Variants in PLXDC2 observed in about 807,000 individuals in gnomAD.
The protein encoded by PLXDC2 is plexin domain containing 2, also known as plexin domain-containing protein 2.
PLXDC2 carries 40 observed loss-of-function variants against 68.9 expected under a neutral mutation model. The observed-to-expected ratio is 0.58, with a 90% CI of 0.45 to 0.76. The LOEUF is 0.76. PLXDC2 is among the 30% of genes least tolerant of loss of function. The pLI, the probability that PLXDC2 is intolerant of heterozygous loss-of-function variation, is 0.00. For missense variants in PLXDC2, 644 were observed against 661.9 expected (o/e 0.97, Z 0.30); for synonymous variants, 243 against 234.2 (o/e 1.04, Z -0.34).
chr10:20,097,500 G>A (rs1372919849), intron 4 of PLXDC2, among the ~76,000 whole-genome samples: 6 of 152,146 alleles, frequency 3.9e-5, no homozygotes, highest in African/African-American at 1.4e-4. Flanking sequence ...TTTCCTGAAT[G>A]TAATCCTTAA....
chr10:19,818,239 TG>T (rs1836394367), intron 1 of PLXDC2, among the ~76,000 whole-genome samples: 1 of 145,942 alleles, frequency 6.9e-6, no homozygotes, highest in Admixed American at 7.1e-5. Flanking sequence ...TGTGTGTGTG[TG>T]TGTGTGTGTG....
intron 9 of PLXDC2, among the ~76,000 whole-genome samples, chr10:20,182,293 C>G (rs1332297455): frequency 6.7e-6 from 1 of 149,178 alleles, no homozygotes; most frequent in Admixed American, 6.7e-5. Flanking sequence ...TGATCTTCTT[C>G]CTATCATCAT....
chr10:20,124,536 C>CG (rs1564323875), intron 4 of PLXDC2, among the ~76,000 whole-genome samples: 1 of 152,054 alleles, frequency 6.6e-6, no homozygotes, highest in Non-Finnish European at 1.5e-5. Flanking sequence ...ACCAAATTTC[C>CG]TGCGTGTCTG....
intron 12 of PLXDC2, among the ~76,000 whole-genome samples, chr10:20,240,779 T>C (rs1835504594): frequency 6.6e-6 from 1 of 151,464 alleles, no homozygotes; most frequent in Non-Finnish European, 1.5e-5. Flanking sequence ...AAACTATGTG[T>C]GCAATTTTGG....
intron 1 of PLXDC2, among the ~76,000 whole-genome samples, chr10:19,881,188 CTACT>C (rs1837720958): frequency 6.6e-6 from 1 of 151,982 alleles, no homozygotes; most frequent in African/African-American, 2.4e-5. Context: ...TGATCCCAAC[CTACT>C]GCAACCTCTG....
intron 7 of PLXDC2, among the ~76,000 whole-genome samples, chr10:20,172,124 A>T (rs1236082278): frequency 6.6e-6 from 1 of 150,782 alleles, no homozygotes; most frequent in African/African-American, 2.4e-5. Flanking sequence ...AAGGAAAAAC[A>T]TTTGCTTCAG....
At chr10:19,991,439 C>G (rs1301394737) in intron 1 of PLXDC2, among the ~76,000 whole-genome samples, 3 of 150,142 alleles carry the variant, frequency 2.0e-5, no homozygotes, top group Admixed American at 6.7e-5. Context: ...ATATGTTTAC[C>G]TAGAGAAACA....
chr10:20,006,320 A>T (rs1038829262), intron 2 of PLXDC2, among the ~76,000 whole-genome samples: 1 of 152,242 alleles, frequency 6.6e-6, no homozygotes, highest in African/African-American at 2.4e-5. Context: ...CATTGTTACA[A>T]GGTCTTGCTT....
At chr10:20,145,498 A>G (rs1219485839) in intron 5 of PLXDC2, among the ~76,000 whole-genome samples, 1 of 152,158 alleles carries the variant, frequency 6.6e-6, no homozygotes, top group Non-Finnish European at 1.5e-5. Context: ...ATGTTGAGAG[A>G]GCTATGCTAT....
At chr10:19,995,273 A>G (rs1331057264) in intron 1 of PLXDC2, among the ~76,000 whole-genome samples, 1 of 152,202 alleles carries the variant, frequency 6.6e-6, no homozygotes, top group East Asian at 1.9e-4. Flanking sequence ...AGACAAAGCA[A>G]AATTGGTACA....
chr10:19,925,774 GC>G (rs1328660423), intron 1 of PLXDC2, among the ~76,000 whole-genome samples: 1 of 152,208 alleles, frequency 6.6e-6, no homozygotes, highest in Non-Finnish European at 1.5e-5. Context: ...GCCAAGGCGG[GC>G]TTTTATCAGC....
intron 13 of PLXDC2, among the ~76,000 whole-genome samples, chr10:20,265,186 T>C (rs1835854586): frequency 6.6e-6 from 1 of 152,300 alleles, no homozygotes; most frequent in Middle Eastern, 3.4e-3. Context: ...TAAATTATTA[T>C]CCATGTGGAG....
intron 10 of PLXDC2, 124 bp downstream of exon 10, chr10:20,211,853 A>G (rs1346489235): frequency 1.0e-5 from 9 of 873,832 alleles, no homozygotes; most frequent in African/African-American, 3.4e-5. Context: ...GAATCCTTCT[A>G]TAAGCCCAAT....
intron 6 of PLXDC2, among the ~76,000 whole-genome samples, chr10:20,151,742 A>C (rs1297093208): frequency 6.6e-6 from 1 of 152,128 alleles, no homozygotes; most frequent in Non-Finnish European, 1.5e-5. Context: ...GAACTAACCA[A>C]ATTCTAAGAG....
chr10:20,036,520 G>A (rs987842239), intron 2 of PLXDC2, among the ~76,000 whole-genome samples: 1 of 152,278 alleles, frequency 6.6e-6, no homozygotes, highest in South Asian at 2.1e-4. Flanking sequence ...TATGTAAACA[G>A]TACACAATTT....
intron 1 of PLXDC2, among the ~76,000 whole-genome samples, chr10:19,864,766 G>A (rs1440133478): frequency 6.6e-6 from 1 of 152,172 alleles, no homozygotes; most frequent in South Asian, 2.1e-4. Flanking sequence ...AGTGGACTGG[G>A]CAAACAAGTA....
chr10:20,164,364 C>A, intron 6 of PLXDC2, 104 bp from the exon 7 acceptor site: 1 of 935,318 alleles, frequency 1.1e-6, no homozygotes, highest in Non-Finnish European at 1.7e-6. Context: ...AGTCTTTTAT[C>A]TCCTTCCCAT....
chr10:20,226,319 A>G (rs1464130460), intron 12 of PLXDC2, among the ~76,000 whole-genome samples: 2 of 152,264 alleles, frequency 1.3e-5, no homozygotes, highest in East Asian at 1.9e-4. Flanking sequence ...CTCAGCAGCT[A>G]TTGTTGGTGT....
chr10:19,961,900 C>A (rs566673387), intron 1 of PLXDC2, among the ~76,000 whole-genome samples: 33 of 152,274 alleles, frequency 2.2e-4, no homozygotes, highest in Non-Finnish European at 3.7e-4. Context: ...GCTTACAAAT[C>A]TGAAGGATCC....
Sources: gnomAD v4.1 joint callset for allele counts (sites outside exome capture counted in the v4.1 genomes callset) on GRCh38, gnomAD v4.1.1 for gene constraint, MANE v1.5 for transcripts, NCBI Gene and HGNC (gene_info 2026-07-23, HGNC 2026-07-21) for gene names.